PCDH15: variants seen among roughly 807,000 people sequenced by gnomAD.
The protein encoded by PCDH15 is protocadherin related 15, also known as protocadherin-15.
Under a neutral mutation model 178.5 loss-of-function variants are expected in PCDH15, and 129 were observed. The observed-to-expected ratio is 0.72, with a 90% CI of 0.63 to 0.84. PCDH15 has a LOEUF of 0.84. PCDH15 is among the 40% of genes least tolerant of loss of function. The pLI, the probability that PCDH15 is intolerant of heterozygous loss-of-function variation, is 0.00. For missense variants in PCDH15, 2,230 were observed against 2,099.9 expected, an observed-to-expected ratio of 1.06 and a Z score of -1.21; for synonymous variants, 800 against 732.0, an observed-to-expected ratio of 1.09 and a Z score of -1.50.
At chr10:54,919,092 C>G (rs546945596) in intron 2 of PCDH15, among the ~76,000 whole-genome samples, 12 of 152,096 alleles carry the variant, frequency 7.9e-5, no homozygotes, top group Non-Finnish European at 1.8e-4. Flanking sequence ...GTAAGTTGGA[C>G]TATGATAAGT....
At chr10:55,149,050 T>C (rs1172973341) in intron 2 of PCDH15, among the ~76,000 whole-genome samples, 2 of 151,354 alleles carry the variant, frequency 1.3e-5, no homozygotes, top group African/African-American at 4.8e-5. Flanking sequence ...TATCTAGCTT[T>C]TGACATTAAA....
chr10:54,503,329 A>G (rs1487269860), intron 3 of PCDH15, among the ~76,000 whole-genome samples: 2 of 147,222 alleles, frequency 1.4e-5, no homozygotes, highest in Non-Finnish European at 3.0e-5. Flanking sequence ...TATATTATAT[A>G]TATATAAGGC....
At position 55,384,306 on chromosome 10, in the gene PCDH15, C is replaced by A. The variant is rs1488644754; in HGVS notation, c.-155-217655G>T. Among the ~76,000 whole-genome samples the A allele has an allele frequency of 2.6e-5, 4 of 152,184 alleles. No homozygotes were observed. The East Asian group carries it at 7.7e-4, about 29-fold the overall frequency. ...TGTGGATACCCAAAATGTCATATTACCATTGTGTATTTTGGTAAATCAATG... is the reference window on the plus strand; with the variant it reads ...TGTGGATACCCAAAATGTCATATTAACATTGTGTATTTTGGTAAATCAATG... On this transcript the variant is annotated intron_variant, in intron 2 of 5. Coordinates refer to the PCDH15 transcript ENST00000613346.
At chr10:55,096,204 C>A (rs999193804) in intron 2 of PCDH15, among the ~76,000 whole-genome samples, 1 of 152,034 alleles carries the variant, frequency 6.6e-6, no homozygotes, top group Non-Finnish European at 1.5e-5. Flanking sequence ...ATTCTGATGA[C>A]AGGAAACCAC....
chr10:55,411,559 C>G (rs1012010613), intron 2 of PCDH15, among the ~76,000 whole-genome samples: 1 of 152,024 alleles, frequency 6.6e-6, no homozygotes, highest in Admixed American at 6.6e-5. Context: ...TTCCCAGTGG[C>G]TATGAAAATG....
At chr10:54,569,257 T>C (rs2089465399) in intron 2 of PCDH15, among the ~76,000 whole-genome samples, 1 of 152,154 alleles carries the variant, frequency 6.6e-6, no homozygotes, top group African/African-American at 2.4e-5. Flanking sequence ...AACTATACTG[T>C]GAAGAAAATA....
chr10:55,259,007 T>C (rs988123092), intron 1 of PCDH15, among the ~76,000 whole-genome samples: 1 of 152,176 alleles, frequency 6.6e-6, no homozygotes, highest in Non-Finnish European at 1.5e-5. Context: ...TTCCCTGCTA[T>C]ATAAATCCCC....
upstream of PCDH15, among the ~76,000 whole-genome samples, chr10:54,804,930 TA>T (rs1392889241): frequency 6.7e-5 from 8 of 119,996 alleles, no homozygotes; most frequent in African/African-American, 2.4e-4. Context: ...TAGTAGATTA[TA>T]TATATATATA....
chr10:53,808,993 T>C, intron 37 of PCDH15: 1 of 1,567,460 alleles, frequency 6.4e-7, no homozygotes, highest in Non-Finnish European at 8.7e-7. Context: ...CTTAGGTTCT[T>C]TTTGTTCTTC....
At chr10:54,217,779 T>TGA (rs1016745068) in intron 9 of PCDH15, among the ~76,000 whole-genome samples, 3 of 152,142 alleles carry the variant, frequency 2.0e-5, no homozygotes, top group Admixed American at 6.5e-5. Context: ...TTAAGATTTC[T>TGA]GAGAGAGAGA....
chr10:54,164,047 T>C (rs1347695049), intron 13 of PCDH15, among the ~76,000 whole-genome samples: 1 of 152,176 alleles, frequency 6.6e-6, no homozygotes, highest in Non-Finnish European at 1.5e-5. Context: ...AATCAATGCA[T>C]TGCTTTATTA....
intron 2 of PCDH15, chr10:55,469,081 C>CA (rs1839903758): frequency 6.6e-6 from 1 of 151,656 alleles, no homozygotes; most frequent in African/African-American, 2.4e-5. Flanking sequence ...TTTTAGGAAA[C>CA]AAAAAATCAA....
intron 2 of PCDH15, among the ~76,000 whole-genome samples, chr10:55,164,905 T>C (rs1839157478): frequency 6.6e-6 from 1 of 151,478 alleles, no homozygotes; most frequent in Non-Finnish European, 1.5e-5. Flanking sequence ...CACAGAAGGG[T>C]AGAGAATTGA....
intron 20 of PCDH15, among the ~76,000 whole-genome samples, chr10:54,018,319 C>G (rs2092808350): frequency 6.6e-6 from 1 of 152,034 alleles, no homozygotes; most frequent in South Asian, 2.1e-4. Context: ...GGGAGTAATC[C>G]TCAGGAACTT....
intron 13 of PCDH15, among the ~76,000 whole-genome samples, chr10:54,154,616 C>A (rs2133355583): frequency 6.6e-6 from 1 of 152,180 alleles, no homozygotes; most frequent in Non-Finnish European, 1.5e-5. Flanking sequence ...TAAATGTAAA[C>A]AAAGTACTTT....
At chr10:54,258,474 T>C (rs985902060) in intron 8 of PCDH15, among the ~76,000 whole-genome samples, 1 of 151,952 alleles carries the variant, frequency 6.6e-6, no homozygotes, top group Non-Finnish European at 1.5e-5. Flanking sequence ...TGGAGAAAAA[T>C]CCTAAACTAA....
intron 2 of PCDH15, among the ~76,000 whole-genome samples, chr10:54,615,563 A>G (rs1006693280): frequency 1.3e-5 from 2 of 152,130 alleles, no homozygotes; most frequent in African/African-American, 4.8e-5. Context: ...ATTCTATGCC[A>G]AGAACATCAC....
intron 2 of PCDH15, among the ~76,000 whole-genome samples, chr10:55,525,874 CAG>C (rs1357546348): frequency 6.6e-6 from 1 of 151,806 alleles, no homozygotes; most frequent in East Asian, 1.9e-4. Flanking sequence ...CACAGAAGAT[CAG>C]AGAGAAGCAA....
At chr10:54,061,965 C>A (rs1010033338) in intron 18 of PCDH15, among the ~76,000 whole-genome samples, 3 of 152,004 alleles carry the variant, frequency 2.0e-5, no homozygotes, top group African/African-American at 7.3e-5. Flanking sequence ...TGGCTCAGGC[C>A]TGTAATCCCA....
Sources: allele counts gnomAD v4.1 joint callset (sites outside exome capture counted in the v4.1 genomes callset), GRCh38; gene constraint gnomAD v4.1.1; transcripts MANE v1.5; gene names NCBI Gene and HGNC (gene_info 2026-07-23, HGNC 2026-07-21).